Variants in NEMF observed in about 807,000 individuals in gnomAD.
NEMF encodes the protein nuclear export mediator factor.
NEMF carries 89 observed loss-of-function variants against 162.2 expected under a neutral mutation model. The observed-to-expected ratio is 0.55, with a 90% CI of 0.46 to 0.65. The LOEUF is 0.65. Among genes scored for constraint, NEMF ranks in the 30% least tolerant of loss-of-function variants. NEMF has a pLI of 0.00. For synonymous variants in NEMF, 421 were observed against 404.5 expected (o/e 1.04, Z -0.49); for missense variants, 1,133 against 1,261.9 (o/e 0.90, Z 1.55).
chr14:49,819,407 AT>A (rs1184882489), intron 16 of NEMF, among the ~76,000 whole-genome samples: 1 of 150,848 alleles, frequency 6.6e-6, no homozygotes, highest in Non-Finnish European at 1.5e-5. Context: ...ATATATATAT[AT>A]ATATATATAT....
At chr14:49,791,206 G>GCA (rs1890430902) in intron 26 of NEMF, among the ~76,000 whole-genome samples, 1 of 151,664 alleles carries the variant, frequency 6.6e-6, no homozygotes, top group Non-Finnish European at 1.5e-5. Context: ...GTGGTGGCGT[G>GCA]TGCCTGTAGT....
chr14:49,811,688 T>C (rs572209427), intron 18 of NEMF, among the ~76,000 whole-genome samples: 3 of 152,336 alleles, frequency 2.0e-5, no homozygotes, highest in Admixed American at 2.0e-4. Context: ...TTTTTCTTCA[T>C]AAGTTGAGAT....
chr14:49,841,262 ATT>A (rs142740733), intron 4 of NEMF, among the ~76,000 whole-genome samples: 2,334 of 150,786 alleles, frequency 0.015, 62 homozygotes, highest in African/African-American at 0.054. Context: ...AAAGCAAATC[ATT>A]TTTGAGACTA....
Position 49,782,871 on chromosome 14 carries a change from C to CCAACT in NEMF, c.*1760_*1764dup. On this transcript the variant is annotated 3_prime_UTR_variant, in exon 33 of 33. Coordinates refer to ENST00000298310, the MANE Select transcript of NEMF (RefSeq NM_004713.6). ...GTCATTTGCTTTAAAGAAATGTTAGCCAACTCATGGAACTGCCTTCCAAAA... is the reference window on the plus strand; with the variant it reads ...GTCATTTGCTTTAAAGAAATGTTAGCCAACTCAACTCATGGAACTGCCTTCCAAAA... 6.2e-7 allele frequency: 1 copy of CCAACT among 1,613,692 alleles called. No individual in the cohort carries two copies. The highest frequency in any genetic ancestry group is 1.7e-5 in the Admixed American group (1 of 59,988).
In NEMF at chr14:49,789,486, T is replaced by C. The variant is rs1266066721; in HGVS notation, c.2697+10A>G. On this transcript the variant is annotated intron_variant, in intron 27 of 32. Transcript: ENST00000298310. ...AAGCAAAAGAAAAAATGTTTTTAGA[T>C]GTTATTTACCCCCAGCAACTTCATG... The C allele has an allele frequency of 2.5e-6, 4 of 1,611,448 alleles. No homozygotes were observed. The highest frequency in any genetic ancestry group is 3.4e-6 in the Non-Finnish European group (4 of 1,179,482).
chr14:49,836,691 A>G (rs1450676091), intron 6 of NEMF, among the ~76,000 whole-genome samples: 1 of 151,308 alleles, frequency 6.6e-6, no homozygotes, highest in African/African-American at 2.4e-5. Flanking sequence ...ACTCTTTTGA[A>G]AAAAAAAAAG....
intron 15 of NEMF, among the ~76,000 whole-genome samples, chr14:49,827,100 C>T (rs1322940315): frequency 6.6e-6 from 1 of 152,100 alleles, no homozygotes; most frequent in Non-Finnish European, 1.5e-5. Context: ...GATCTCCCGT[C>T]CTTCTTGCAG....
rs1239689750 is a variant in NEMF at position 49,828,758 on chromosome 14, C to T, written c.1282G>A (p.Val428Ile). ...EEEDDDVDGD[V>I]NVEKNETEPP... Reference sequence around the variant, plus strand: ...TCAGTTTCATTTTTCTCAACATTGACGTCACCATCAACATCATCATCTTCC... The same window carrying T: ...TCAGTTTCATTTTTCTCAACATTGATGTCACCATCAACATCATCATCTTCC... The change falls in exon 14 of 33, where the codon GTC (valine) becomes ATC (isoleucine). Residue 428 changes from valine (V) to isoleucine (I), a missense_variant. Around this residue, in one of 3 missense-constraint regions of NEMF, gnomAD observed 582 missense variants for 631.5 expected, o/e 0.92. Coordinates refer to ENST00000298310, the MANE Select transcript of NEMF (RefSeq NM_004713.6). 10 of 1,567,816 alleles carry T rather than the reference C, an allele frequency of 6.4e-6. No homozygotes were observed. Among genetic ancestry groups the T allele is most frequent in the Middle Eastern group, 1.7e-4 (1 of 5,978 alleles).
chr14:49,787,940 A>G (rs567081660), intron 28 of NEMF, among the ~76,000 whole-genome samples: 2 of 152,332 alleles, frequency 1.3e-5, no homozygotes, highest in African/African-American at 4.8e-5. Context: ...AATGCTGGTG[A>G]CAAAGGTAAA....
chr14:49,848,048 A>G (rs1893596638), intron 3 of NEMF, among the ~76,000 whole-genome samples: 2 of 151,438 alleles, frequency 1.3e-5, no homozygotes, highest in African/African-American at 2.4e-5. Flanking sequence ...AAAAAAAAAA[A>G]AGAAAGGGAC....
chr14:49,847,198 T>C (rs965972081), intron 3 of NEMF, among the ~76,000 whole-genome samples: 5 of 150,800 alleles, frequency 3.3e-5, no homozygotes, highest in Non-Finnish European at 7.4e-5. Flanking sequence ...TTTACTTATT[T>C]ATTTATTTAT....
At chr14:49,820,680 C>A (rs1277529252) in intron 16 of NEMF, among the ~76,000 whole-genome samples, 3 of 152,180 alleles carry the variant, frequency 2.0e-5, no homozygotes, top group African/African-American at 7.2e-5. Flanking sequence ...CAAAGCTGGA[C>A]TGTGCTGCTG....
chr14:49,799,101 C>T (rs1360365361), intron 25 of NEMF, among the ~76,000 whole-genome samples: 1 of 143,728 alleles, frequency 7.0e-6, no homozygotes, highest in Non-Finnish European at 1.5e-5. Flanking sequence ...CCCAGCTACT[C>T]AGGAGGCTGA....
chr14:49,785,922 A>G (rs1425716533), intron 29 of NEMF: 1 of 151,472 alleles, frequency 6.6e-6, no homozygotes, highest in Admixed American at 6.6e-5. Context: ...AAACTATTGG[A>G]TATTACCTGA....
At chr14:49,819,386 A>G (rs1891880634) in intron 16 of NEMF, among the ~76,000 whole-genome samples, 1 of 107,674 alleles carries the variant, frequency 9.3e-6, no homozygotes, top group Non-Finnish European at 1.8e-5. Flanking sequence ...AAAACATATT[A>G]TAGACCATAT....
chr14:49,800,425 G>A lies in NEMF; in HGVS notation c.2367C>T (p.Pro789=), dbSNP rs748730481. 20 of 1,607,828 alleles carry A rather than the reference G, an allele frequency of 1.2e-5. No individual in the cohort carries two copies. In the South Asian group the frequency reaches 2.2e-4, roughly 18 times the overall value. The change falls in exon 23 of 33, where the codon CCC becomes CCT. Residue 789 remains proline, a synonymous_variant. Coordinates refer to ENST00000298310, the MANE Select transcript of NEMF (RefSeq NM_004713.6). ...DTTIDLSHLQ[P]QRSIQKLASK... is the part of the protein sequence containing the mutation. ...AAATTTTATTTTTTAATTACCTTTG[G>A]GGTTGAAGGTGAGACAAGTCAATGG...
At position 49,783,714 on chromosome 14, in the gene NEMF, A is replaced by C. The variant is rs1044157883; in HGVS notation, c.*922T>G. The stretch of plus-strand genomic sequence containing the variant: ...GTGCTATATTGGTAATTAATTACTA[A>C]AGGTGGAAATTAAAATGGTACAGAA... On this transcript the variant is annotated 3_prime_UTR_variant, in exon 33 of 33. Transcript: ENST00000298310. 5 of 152,148 alleles carry C rather than the reference A, an allele frequency of 3.3e-5. No individual in the cohort carries two copies. The highest frequency in any genetic ancestry group is 1.2e-4 in the African/African-American group (5 of 41,428). The allele number at this position is 152,148 out of a possible 1,614,324, so 9.4% of individuals were successfully genotyped here.
intron 4 of NEMF, among the ~76,000 whole-genome samples, chr14:49,841,214 AAAAG>A (rs1893188389): frequency 6.7e-6 from 1 of 149,928 alleles, no homozygotes; most frequent in African/African-American, 2.5e-5. Flanking sequence ...AAAAAAAAAA[AAAAG>A]GAAATAAAAA....
chr14:49,845,361 G>A (rs1176489636), intron 4 of NEMF, among the ~76,000 whole-genome samples: 4 of 152,040 alleles, frequency 2.6e-5, no homozygotes, highest in Admixed American at 2.0e-4. Context: ...CGCCCTCCTC[G>A]GCCTCCCAAA....
Sources: allele counts gnomAD v4.1 joint callset (sites outside exome capture counted in the v4.1 genomes callset), GRCh38; gene constraint gnomAD v4.1.1; regional missense constraint gnomAD v4.1.1; transcripts MANE v1.5; gene names NCBI Gene and HGNC (gene_info 2026-07-23, HGNC 2026-07-21).